The following IQCM variants were observed in gnomAD, a reference collection of about 807,000 sequenced individuals.
IQCM encodes IQ motif containing M, also known as IQ domain-containing protein M.
IQCM carries 45 observed loss-of-function variants against 57.6 expected under a neutral mutation model. The observed-to-expected ratio is 0.78, with a 90% CI of 0.62 to 1.00. The LOEUF is 1.00. Among genes scored for constraint, IQCM ranks in the 50% least tolerant of loss-of-function variants. IQCM has a pLI of 0.00. For synonymous variants in IQCM, 148 were observed against 158.9 expected (o/e 0.93, Z 0.51); for missense variants, 468 against 511.6 (o/e 0.91, Z 0.82).
chr4:149,804,548 T>A (rs1310174857), intron 2 of IQCM, among the ~76,000 whole-genome samples: 1 of 152,048 alleles, frequency 6.6e-6, no homozygotes, highest in South Asian at 2.1e-4. Flanking sequence ...TTTGTTCAGC[T>A]TTTTTCTTGT....
intron 13 of IQCM, among the ~76,000 whole-genome samples, chr4:149,384,627 A>G (rs1413169480): frequency 6.6e-6 from 1 of 152,136 alleles, no homozygotes; most frequent in African/African-American, 2.4e-5. Flanking sequence ...AAAATGATTT[A>G]TAAGCCCCTG....
At chr4:149,600,381 T>C (rs1411644014) in intron 8 of IQCM, among the ~76,000 whole-genome samples, 1 of 152,106 alleles carries the variant, frequency 6.6e-6, no homozygotes, top group Non-Finnish European at 1.5e-5. Context: ...ATTCCATAAG[T>C]AAGAGATGGA....
chr4:149,595,119 C>T (rs1457727838), intron 8 of IQCM, among the ~76,000 whole-genome samples: 4 of 152,112 alleles, frequency 2.6e-5, no homozygotes. Context: ...TAAGGACTTG[C>T]TTTATGAATC....
chr4:149,663,265 C>T (rs1015767696), intron 7 of IQCM, among the ~76,000 whole-genome samples: 1 of 150,754 alleles, frequency 6.6e-6, no homozygotes. Flanking sequence ...CTAATGGTAT[C>T]TGTTGCTTTT....
chr4:149,586,847 G>A (rs879120131), intron 9 of IQCM, among the ~76,000 whole-genome samples: 1 of 151,566 alleles, frequency 6.6e-6, no homozygotes, highest in African/African-American at 2.4e-5. Context: ...CTGCTTTAAA[G>A]CCATTATCTG....
At chr4:149,447,065 A>G (rs1224411533) in intron 12 of IQCM, among the ~76,000 whole-genome samples, 1 of 151,620 alleles carries the variant, frequency 6.6e-6, no homozygotes, top group African/African-American at 2.4e-5. Flanking sequence ...GAGATAATAA[A>G]GAAGTAAATG....
intron 12 of IQCM, among the ~76,000 whole-genome samples, chr4:149,502,171 C>T (rs924184366): frequency 1.3e-5 from 2 of 151,214 alleles, no homozygotes; most frequent in South Asian, 2.1e-4. Context: ...CACACACACA[C>T]ATATATATGT....
At chr4:149,649,623 A>G (rs1390562833) in intron 7 of IQCM, among the ~76,000 whole-genome samples, 1 of 152,202 alleles carries the variant, frequency 6.6e-6, no homozygotes, top group East Asian at 1.9e-4. Flanking sequence ...TAATTACCTC[A>G]TTCAAATTGT....
chr4:149,366,327 T>C (rs1270692415), intron 13 of IQCM, among the ~76,000 whole-genome samples: 1 of 151,974 alleles, frequency 6.6e-6, no homozygotes, highest in Non-Finnish European at 1.5e-5. Flanking sequence ...TGGCAAAATA[T>C]ACTACTTATG....
intron 9 of IQCM, among the ~76,000 whole-genome samples, chr4:149,566,511 T>C (rs1750646903): frequency 6.6e-6 from 1 of 151,854 alleles, no homozygotes; most frequent in Non-Finnish European, 1.5e-5. Context: ...TGTGTACACA[T>C]GTACGAGAGA....
At chr4:149,781,585 GTTA>G (rs1401320651) in intron 2 of IQCM, among the ~76,000 whole-genome samples, 1 of 152,118 alleles carries the variant, frequency 6.6e-6, no homozygotes, top group Admixed American at 6.5e-5. Context: ...CTTATTATTA[GTTA>G]TTGTTAATCT....
At chr4:149,497,254 C>T (rs1354296292) in intron 12 of IQCM, among the ~76,000 whole-genome samples, 2 of 152,030 alleles carry the variant, frequency 1.3e-5, no homozygotes, top group African/African-American at 4.8e-5. Context: ...AAGAAGGTCT[C>T]TCAGGACAAA....
chr4:149,686,055 A>C (rs1405183602), intron 6 of IQCM, among the ~76,000 whole-genome samples: 1 of 151,716 alleles, frequency 6.6e-6, no homozygotes, highest in East Asian at 1.9e-4. Context: ...ATGAGTTATT[A>C]AAATTCTAAA....
chr4:149,530,807 C>CA (rs1381460264), intron 12 of IQCM, among the ~76,000 whole-genome samples: 22 of 126,494 alleles, frequency 1.7e-4, no homozygotes, highest in African/African-American at 6.4e-4. Flanking sequence ...CCCCCCACCC[C>CA]CCCCCCACAT....
chr4:149,451,260 T>C (rs1443532198), intron 12 of IQCM, among the ~76,000 whole-genome samples: 1 of 151,840 alleles, frequency 6.6e-6, no homozygotes, highest in African/African-American at 2.4e-5. Context: ...AAATAAGTCC[T>C]AGTATTTGAC....
chr4:149,472,040 A>G (rs147644262), intron 12 of IQCM, among the ~76,000 whole-genome samples: 33,003 of 152,186 alleles, frequency 0.22, 4,484 homozygotes, highest in Non-Finnish European at 0.29. Flanking sequence ...AACTGGAAGC[A>G]TTCCCTTTGA....
intron 5 of IQCM, among the ~76,000 whole-genome samples, chr4:149,723,825 C>T (rs1209455510): frequency 6.6e-6 from 1 of 151,840 alleles, no homozygotes; most frequent in Non-Finnish European, 1.5e-5. Flanking sequence ...GGTGGATTTC[C>T]TCCTTTTTGA....
intron 13 of IQCM, among the ~76,000 whole-genome samples, chr4:149,424,300 T>A (rs986519835): frequency 6.6e-6 from 1 of 151,906 alleles, no homozygotes; most frequent in Non-Finnish European, 1.5e-5. Flanking sequence ...GTAAACATAT[T>A]CTTTTTGTCA....
intron 12 of IQCM, among the ~76,000 whole-genome samples, chr4:149,439,788 A>G (rs1295933644): frequency 6.6e-6 from 1 of 152,146 alleles, no homozygotes; most frequent in East Asian, 1.9e-4. Context: ...TTGTGAGAGT[A>G]ATACAATAAC....
Sources: gnomAD v4.1 joint callset for allele counts (sites outside exome capture counted in the v4.1 genomes callset) on GRCh38, gnomAD v4.1.1 for gene constraint, MANE v1.5 for transcripts, NCBI Gene and HGNC (gene_info 2026-07-23, HGNC 2026-07-21) for gene names.